The following TRPC5 variants were observed in gnomAD, a reference collection of about 807,000 sequenced individuals.
TRPC5 encodes the protein short transient receptor potential channel 5.
A neutral mutation model predicts 56.5 loss-of-function variants in TRPC5; 9 were observed. That is an observed-to-expected ratio of 0.16 (90% CI 0.10 to 0.28). The LOEUF is 0.28. Among genes scored for constraint, TRPC5 ranks in the 10% least tolerant of loss-of-function variants. TRPC5 has a pLI of 1.00. For synonymous variants in TRPC5, 282 were observed against 278.5 expected (o/e 1.01, Z -0.13); for missense variants, 469 against 748.9 (o/e 0.63, Z 4.36).
chrX:112,039,698 G>T (rs764687464), intron 1 of TRPC5, among the ~76,000 whole-genome samples: 6 of 110,912 alleles, frequency 5.4e-5, no homozygotes, highest in Non-Finnish European at 1.1e-4. Context: ...ATCTATCCAG[G>T]GTGCCTCTAT....
At chrX:111,953,208 T>C (rs144911238) in intron 1 of TRPC5, among the ~76,000 whole-genome samples, 2,412 of 112,160 alleles carry the variant, frequency 0.022, 48 homozygotes, top group African/African-American at 0.074. Flanking sequence ...GATTTTTTCC[T>C]CTGCCATTTC....
At chrX:111,781,087 C>T (rs771605876) in intron 9 of TRPC5, 78 bp downstream of exon 9, 1 of 992,888 alleles carries the variant, frequency 1.0e-6, no homozygotes, top group South Asian at 1.9e-5. Context: ...TGTCCAGACA[C>T]AGCCAGAGTG....
At chrX:111,830,284 T>C (rs115935636) in intron 7 of TRPC5, among the ~76,000 whole-genome samples, 2,250 of 112,372 alleles carry the variant, frequency 0.02, 66 homozygotes, top group African/African-American at 0.07. Flanking sequence ...ACTAACTTGT[T>C]TTTTATTTTA....
intron 3 of TRPC5, among the ~76,000 whole-genome samples, chrX:111,858,606 T>C (rs1162510186): frequency 4.6e-5 from 5 of 109,167 alleles, no homozygotes; most frequent in Non-Finnish European, 9.6e-5. Context: ...GGGAGAGTTG[T>C]GTGTCTGTTC....
intron 1 of TRPC5, among the ~76,000 whole-genome samples, chrX:111,989,127 A>T (rs1019304604): frequency 1.8e-5 from 2 of 111,733 alleles, no homozygotes; most frequent in Admixed American, 9.6e-5. Context: ...TTCCATAATG[A>T]CTTTGTTCTA....
chrX:112,016,230 C>A (rs1929119387), intron 1 of TRPC5, among the ~76,000 whole-genome samples: 2 of 111,234 alleles, frequency 1.8e-5, no homozygotes, highest in South Asian at 7.8e-4. Context: ...GGCAAGGCGG[C>A]TCCTGCATTT....
At chrX:111,950,174 A>T (rs1209364203) in intron 2 of TRPC5, among the ~76,000 whole-genome samples, 1 of 110,510 alleles carries the variant, frequency 9.0e-6, no homozygotes, top group Non-Finnish European at 1.9e-5. Flanking sequence ...AATACAAAAA[A>T]ATTAGCCAGG....
chrX:111,939,304 T>C (rs1183183717), intron 2 of TRPC5, among the ~76,000 whole-genome samples: 2 of 111,572 alleles, frequency 1.8e-5, no homozygotes, highest in Non-Finnish European at 3.8e-5. Context: ...AGTTTGCTAG[T>C]ATTTTGTTGA....
intron 3 of TRPC5, among the ~76,000 whole-genome samples, chrX:111,901,252 C>T (rs1250989342): frequency 9.0e-6 from 1 of 111,031 alleles, no homozygotes; most frequent in East Asian, 2.8e-4. Flanking sequence ...ATTGACAGAC[C>T]CTGCGTGAGT....
At chrX:111,943,422 G>A (rs1926834325) in intron 2 of TRPC5, among the ~76,000 whole-genome samples, 2 of 111,966 alleles carry the variant, frequency 1.8e-5, no homozygotes. Context: ...CAAAAAAACA[G>A]ATAGGAGGAG....
chrX:111,912,683 G>A lies in TRPC5; in HGVS notation c.508C>T (p.Arg170Trp), dbSNP rs1352935977. The A allele has an allele frequency of 3.3e-6, 4 of 1,208,837 alleles. No individual in the cohort carries two copies. The highest frequency in any genetic ancestry group is 1.8e-5 in the South Asian group (1 of 56,705). ...CAGTTGCAGCGGATCTGGTGGGGCC[G>A]TGGGATAGTGACCCGTTTTTGGACA... The part of the protein sequence containing the change: ...LLVQKRVTIP[R>W]PHQIRCNCVE... The change falls in exon 3 of 11, where the codon CGG becomes TGG. Residue 170 changes from arginine (R) to tryptophan (W), a missense_variant. Transcript: ENST00000262839.
At chrX:111,825,365 C>T (rs1165598143) in intron 7 of TRPC5, among the ~76,000 whole-genome samples, 1 of 108,005 alleles carries the variant, frequency 9.3e-6, no homozygotes, top group African/African-American at 3.4e-5. Flanking sequence ...GATTCTTGTG[C>T]CTCAGTCTCC....
chrX:111,946,771 A>T (rs963274413), intron 2 of TRPC5, among the ~76,000 whole-genome samples: 1 of 112,431 alleles, frequency 8.9e-6, no homozygotes, highest in African/African-American at 3.2e-5. Context: ...TGAACATGAG[A>T]TTTTTGCCTC....
In TRPC5 at chrX:111,774,702, C is replaced by G. The variant is rs1465150473; in HGVS notation, c.*1611G>C. ...ATCCATTCAAATAACAGAAACCACACTTATCAAAAGCTAGTTTGGAGGCAT... is the reference window on the plus strand; with the variant it reads ...ATCCATTCAAATAACAGAAACCACAGTTATCAAAAGCTAGTTTGGAGGCAT... On this transcript the variant is annotated 3_prime_UTR_variant, in exon 11 of 11. Coordinates refer to ENST00000262839, the MANE Select transcript of TRPC5 (RefSeq NM_012471.3). The G allele has an allele frequency of 1.8e-5, 2 of 111,367 alleles. No homozygotes were observed. Among genetic ancestry groups the G allele is most frequent in the Admixed American group, 1.9e-4 (2 of 10,436 alleles). 9.2% of individuals were successfully genotyped at this position (111,367 alleles called of 1,213,427 possible).
rs1945824126 is a variant in TRPC5, at chrX:111,768,148, G to A, written c.*8165C>T. On this transcript the variant is annotated 3_prime_UTR_variant, in exon 11 of 11. Coordinates refer to ENST00000262839, the MANE Select transcript of TRPC5 (RefSeq NM_012471.3). ...TTACAGAAAGTGTTTAAATAAAAGT[G>A]ATAGTTATTCAAAGAGATTTCCACT... is the stretch of plus-strand genomic sequence containing the variant. Among the ~76,000 whole-genome samples the A allele has an allele frequency of 8.9e-6, 1 of 112,363 alleles. No individual in the cohort carries two copies. The highest frequency in any genetic ancestry group is 3.7e-4 in the South Asian group (1 of 2,735).
chrX:111,944,307 A>T (rs756590733), intron 2 of TRPC5, among the ~76,000 whole-genome samples: 590 of 56,468 alleles, frequency 0.01, 1 homozygote, highest in African/African-American at 0.036. Flanking sequence ...TGTGTGTGAG[A>T]GAGAGAGAGA....
At chrX:112,001,949 C>A (rs956549441) in intron 1 of TRPC5, among the ~76,000 whole-genome samples, 2 of 111,685 alleles carry the variant, frequency 1.8e-5, no homozygotes, top group Non-Finnish European at 3.8e-5. Context: ...CAAAATATAT[C>A]TAAGATCCAA....
At chrX:111,956,635 G>T (rs1229244795) in intron 1 of TRPC5, among the ~76,000 whole-genome samples, 1 of 111,265 alleles carries the variant, frequency 9.0e-6, no homozygotes, top group Non-Finnish European at 1.9e-5. Flanking sequence ...AAGTTATGGG[G>T]TTGTTGATTT....
intron 2 of TRPC5, among the ~76,000 whole-genome samples, chrX:111,936,344 T>G (rs993431791): frequency 3.6e-5 from 4 of 111,157 alleles, no homozygotes; most frequent in Non-Finnish European, 7.5e-5. Context: ...TCTTTTTTTT[T>G]TCTTTTATTA....
Sources: allele counts gnomAD v4.1 joint callset (sites outside exome capture counted in the v4.1 genomes callset), GRCh38; gene constraint gnomAD v4.1.1; transcripts MANE v1.5; gene names NCBI Gene and HGNC (gene_info 2026-07-23, HGNC 2026-07-21).